Variants in DIP2C observed in about 807,000 individuals in gnomAD.
The protein encoded by DIP2C is DIP2 acetate--CoA ligase C (putative).
A neutral mutation model predicts 192.4 loss-of-function variants in DIP2C; 33 were observed. That is an observed-to-expected ratio of 0.17 (90% CI 0.13 to 0.23). The LOEUF (loss-of-function observed/expected upper bound fraction) is 0.23, where lower values mean the gene tolerates loss of function less well. Ranked by LOEUF, DIP2C falls within the 10% of genes least tolerant of loss-of-function variation. DIP2C has a pLI of 1.00. For missense variants in DIP2C, 1,537 were observed against 2,110.1 expected (o/e 0.73, Z 5.32); for synonymous variants, 979 against 864.1 (o/e 1.13, Z -2.33).
chr10:605,237 G>C (rs759869731), intron 1 of DIP2C, among the ~76,000 whole-genome samples: 13 of 152,182 alleles, frequency 8.5e-5, no homozygotes, highest in Non-Finnish European at 1.6e-4. Context: ...TTTTAAAATG[G>C]GGAACGGGGG....
chr10:598,548 C>G (rs1851858558), intron 1 of DIP2C, among the ~76,000 whole-genome samples: 1 of 151,946 alleles, frequency 6.6e-6, no homozygotes, highest in Non-Finnish European at 1.5e-5. Flanking sequence ...GGCTCCTCCC[C>G]CCACAGCTCC....
rs35461394 is a variant in DIP2C, at chr10:384,271, CTTTTTTTTTTTTT to C, written c.1757-138_1757-126del. On this transcript the variant is annotated intron_variant, in intron 15 of 36. Coordinates refer to ENST00000280886, the MANE Select transcript of DIP2C (RefSeq NM_014974.3). ...CACTGGTCACCCAGCCCCCACAAAC[CTTTTTTTTTTTTT>C]TTTTTTTTTTTTTTTGTGATCTTGG... The C allele has an allele frequency of 1.1e-4, 33 of 301,930 alleles. No homozygotes were observed. The East Asian group carries it at 1.6e-3, about 15-fold the overall frequency. 18.7% of individuals were successfully genotyped at this position (301,930 alleles called of 1,614,324 possible). A position where few individuals can be genotyped will look rare whatever the true frequency, so the allele number is the denominator to read the frequency against.
chr10:421,675 C>G (rs912773190), intron 5 of DIP2C, among the ~76,000 whole-genome samples: 3 of 152,142 alleles, frequency 2.0e-5, no homozygotes, highest in South Asian at 2.1e-4. Context: ...ACTTTACAAA[C>G]TTTTACAGAG....
intron 35 of DIP2C, 128 bp downstream of exon 35, chr10:283,143 TG>T: frequency 7.8e-7 from 1 of 1,275,762 alleles, no homozygotes; most frequent in East Asian, 2.3e-5. Context: ...CTTTTCACAC[TG>T]GGTTGTAGCT....
chr10:342,062 G>C (rs535092199), intron 28 of DIP2C, among the ~76,000 whole-genome samples: 3 of 152,286 alleles, frequency 2.0e-5, no homozygotes, highest in African/African-American at 7.2e-5. Flanking sequence ...ACCTCACTCA[G>C]AACTGTTGGT....
chr10:543,625 A>C (rs571087510), intron 1 of DIP2C, among the ~76,000 whole-genome samples: 7 of 152,346 alleles, frequency 4.6e-5, no homozygotes, highest in African/African-American at 1.4e-4. Flanking sequence ...CACATCCTTT[A>C]AGATCCTCAG....
chr10:443,866 T>G (rs1229967326), intron 3 of DIP2C, among the ~76,000 whole-genome samples: 1 of 152,224 alleles, frequency 6.6e-6, no homozygotes, highest in African/African-American at 2.4e-5. Flanking sequence ...CATTTACAAT[T>G]ATTTTTTCAT....
chr10:635,245 G>C (rs816572), intron 1 of DIP2C, among the ~76,000 whole-genome samples: 1 of 152,126 alleles, frequency 6.6e-6, no homozygotes, highest in Admixed American at 6.5e-5. Context: ...CTGTGAATGG[G>C]GTGGGCTCCC....
chr10:557,669 TGTGGGGGTGGGGGTGGGG>T (rs764435897), intron 1 of DIP2C, among the ~76,000 whole-genome samples: 12 of 36,552 alleles, frequency 3.3e-4, no homozygotes, highest in African/African-American at 1.7e-3. Flanking sequence ...CACATACACA[TGTGGGGGTGGGGGTGGGG>T]GTGGGGGTGG....
chr10:511,554 A>G (rs1846013659), intron 1 of DIP2C, among the ~76,000 whole-genome samples: 1 of 152,224 alleles, frequency 6.6e-6, no homozygotes. Context: ...CACGTCTTCC[A>G]GGTTCATTTT....
intron 1 of DIP2C, among the ~76,000 whole-genome samples, chr10:614,740 A>C (rs774911396): frequency 6.6e-6 from 1 of 152,258 alleles, no homozygotes; most frequent in Admixed American, 6.5e-5. Context: ...TGAAATTTAA[A>C]GGAGCCTCTG....
intron 1 of DIP2C, among the ~76,000 whole-genome samples, chr10:516,878 G>A (rs940055602): frequency 6.9e-6 from 1 of 144,538 alleles, no homozygotes. Context: ...GGTGCCTGCT[G>A]TGCATGGAAC....
At chr10:580,432 T>C (rs79584917) in intron 1 of DIP2C, among the ~76,000 whole-genome samples, 4,468 of 152,282 alleles carry the variant, frequency 0.029, 213 homozygotes, top group African/African-American at 0.097. Flanking sequence ...CAGGTACATA[T>C]ATGGCGTTAA....
intron 1 of DIP2C, among the ~76,000 whole-genome samples, chr10:492,758 T>C (rs1354815649): frequency 6.6e-6 from 1 of 152,184 alleles, no homozygotes; most frequent in Non-Finnish European, 1.5e-5. Flanking sequence ...ATTTGTATTG[T>C]CCCCTGTAGC....
At position 316,724 on chromosome 10, in the gene DIP2C, A is replaced by T. The variant is rs1047870532; in HGVS notation, c.3925-6632T>A. ...AGGAGCCCCTGCCTTTTGCACACTA[A>T]AGGTTCAGAGTGCCTCAGAGAAAAT... On this transcript the variant is annotated intron_variant, in intron 31 of 36. Coordinates refer to ENST00000280886, the MANE Select transcript of DIP2C (RefSeq NM_014974.3). 8.1e-4 allele frequency among the ~76,000 whole-genome samples: 123 copies of T among 152,248 alleles called. 1 individual carries two copies. The highest frequency in any genetic ancestry group is 2.9e-3 in the African/African-American group (119 of 41,544).
intron 1 of DIP2C, among the ~76,000 whole-genome samples, chr10:530,306 C>T (rs1412767999): frequency 2.6e-5 from 4 of 152,288 alleles, no homozygotes; most frequent in Admixed American, 2.6e-4. Flanking sequence ...TTTCTGGACT[C>T]CTGGGGACAA....
At chr10:307,612 G>A (rs1171361843) in intron 32 of DIP2C, among the ~76,000 whole-genome samples, 1 of 152,122 alleles carries the variant, frequency 6.6e-6, no homozygotes, top group Non-Finnish European at 1.5e-5. Context: ...GGGAGAAGGG[G>A]CCCAGCCAGA....
At chr10:599,674 G>A (rs1383704657) in intron 1 of DIP2C, among the ~76,000 whole-genome samples, 1 of 152,172 alleles carries the variant, frequency 6.6e-6, no homozygotes, top group Non-Finnish European at 1.5e-5. Flanking sequence ...GACCCCCTGG[G>A]GCCACAGAGC....
intron 1 of DIP2C, among the ~76,000 whole-genome samples, chr10:577,095 GACTA>G (rs1245890620): frequency 5.3e-5 from 8 of 152,120 alleles, no homozygotes; most frequent in African/African-American, 1.4e-4. Flanking sequence ...CCTCAAGTGT[GACTA>G]ACAACAAAAA....
Sources: gnomAD v4.1 joint callset for allele counts (sites outside exome capture counted in the v4.1 genomes callset) on GRCh38, gnomAD v4.1.1 for gene constraint, MANE v1.5 for transcripts, NCBI Gene and HGNC (gene_info 2026-07-23, HGNC 2026-07-21) for gene names.